The following PDE6B variants were observed in gnomAD, a reference collection of about 807,000 sequenced individuals.
The protein encoded by PDE6B is rod cGMP-specific 3',5'-cyclic phosphodiesterase subunit beta.
PDE6B carries 106 observed loss-of-function variants against 109.0 expected under a neutral mutation model. That is an observed-to-expected ratio of 0.97 (90% CI 0.83 to 1.14). The LOEUF (loss-of-function observed/expected upper bound fraction) is 1.14, where lower values mean the gene tolerates loss of function less well. Among genes scored for constraint, PDE6B ranks in the 50% most tolerant of loss-of-function variants. PDE6B has a pLI of 0.00. For missense variants in PDE6B, 1,193 were observed against 1,155.6 expected (o/e 1.03, Z -0.47); for synonymous variants, 490 against 471.3 (o/e 1.04, Z -0.51).
chr4:634,631 C>G, intron 1 of PDE6B, 46 bp from the exon 2 acceptor site: 1 of 1,539,806 alleles, frequency 6.5e-7, no homozygotes, highest in Non-Finnish European at 9.0e-7. Flanking sequence ...GGGCTCCAGG[C>G]CCACGGTGCG....
rs751940474 is a variant in PDE6B at position 664,184 on chromosome 4, T to A, written c.2092T>A (p.Tyr698Asn). ...NYQDKKSWVEYLSLETTRKEI... is the reference protein window; with the variant it reads ...NYQDKKSWVENLSLETTRKEI... ...CCAGGACAAGAAGAGCTGGGTGGAG[T>A]ACCTGTCCCTGGAGACGACCCGGAA... Residue 698 changes from tyrosine (Y) to asparagine (N), a missense_variant, in exon 17 of 22, where the codon TAC becomes AAC. Coordinates refer to ENST00000496514, the MANE Select transcript of PDE6B (RefSeq NM_000283.4). 1 of 1,610,282 alleles carries A rather than the reference T, an allele frequency of 6.2e-7. No homozygotes were observed. Among genetic ancestry groups the A allele is most frequent in the South Asian group, 1.1e-5 (1 of 91,020 alleles).
intron 11 of PDE6B, among the ~76,000 whole-genome samples, chr4:659,622 A>C (rs572681006): frequency 6.9e-6 from 1 of 145,778 alleles, no homozygotes. Context: ...CATTGTATGA[A>C]TGTGCACATG....
intron 12 of PDE6B, 142 bp downstream of exon 12, chr4:660,755 G>A: frequency 2.7e-6 from 2 of 738,528 alleles, no homozygotes; most frequent in East Asian, 2.7e-5. Context: ...AGTTTAGAGG[G>A]CCGACATGTT....
At chr4:627,113 C>G (rs1185436773) in intron 1 of PDE6B, among the ~76,000 whole-genome samples, 1 of 151,192 alleles carries the variant, frequency 6.6e-6, no homozygotes, top group Non-Finnish European at 1.5e-5. Flanking sequence ...TCCCAGGCAG[C>G]TGGGGAGTGG....
intron 1 of PDE6B, among the ~76,000 whole-genome samples, chr4:632,659 CT>C (rs1734449554): frequency 6.8e-6 from 1 of 146,038 alleles, no homozygotes. Flanking sequence ...GTGGTGCTGT[CT>C]GGGGGTCACA....
rs1395525121 is a variant in PDE6B at position 635,924 on chromosome 4, C to A, written c.666C>A (p.Ile222=). Reference sequence around the variant, plus strand: ...ATTTTGCCACGTTGTACCTGAAGATCTATCACCTGAGCTACCTCCACAACT... The same window carrying A: ...ATTTTGCCACGTTGTACCTGAAGATATATCACCTGAGCTACCTCCACAACT... ...YLNFATLYLK[I]YHLSYLHNCE... The change falls in exon 3 of 22, where the codon ATC becomes ATA. Residue 222 remains isoleucine (I), a synonymous_variant. Transcript: ENST00000496514. The A allele has an allele frequency of 6.2e-7, 1 of 1,608,966 alleles. No homozygotes were observed. Among genetic ancestry groups the A allele is most frequent in the South Asian group, 1.1e-5 (1 of 90,980 alleles).
chr4:631,265 C>A (rs1245269395), intron 1 of PDE6B, among the ~76,000 whole-genome samples: 1 of 152,166 alleles, frequency 6.6e-6, no homozygotes. Context: ...ACGTGTGGGG[C>A]AGAGAGAAGT....
At chr4:637,461 T>C (rs1734744857) in intron 3 of PDE6B, among the ~76,000 whole-genome samples, 1 of 152,176 alleles carries the variant, frequency 6.6e-6, no homozygotes, top group Non-Finnish European at 1.5e-5. Flanking sequence ...CCTCAAGTGA[T>C]CTGCCCACCT....
In PDE6B at chr4:656,984, C is replaced by T. The variant is rs148190219; in HGVS notation, c.1218C>T (p.Asp406=). 1,247 of 1,613,244 alleles carry T rather than the reference C, an allele frequency of 7.7e-4. 3 individuals are homozygous for T. The highest frequency in any genetic ancestry group is 8.2e-4 in the Middle Eastern group (5 of 6,062). ...TCGCCACATTTTACAACAGGAAAGA[C>T]GGGAAGCCCTTTGACGAACAGGACG... The part of the protein sequence containing the change: ...VGVATFYNRK[D]GKPFDEQDEV... The change falls in exon 9 of 22, where the codon GAC becomes GAT. Residue 406 remains aspartate, a synonymous_variant. Coordinates refer to ENST00000496514, the MANE Select transcript of PDE6B (RefSeq NM_000283.4).
In PDE6B at chr4:626,145, T is replaced by C; in HGVS notation, c.468+51T>C. The stretch of plus-strand genomic sequence containing the variant: ...GGCGGCTGTGTGCATCTCTTGCACC[T>C]GTCCCAGGTGTCTAAGGGTCAGCTC... On this transcript the variant is annotated intron_variant, in intron 1 of 21. Coordinates refer to ENST00000496514, the MANE Select transcript of PDE6B (RefSeq NM_000283.4). The surrounding 1 kb of genome is among the most constrained non-coding windows in gnomAD (Gnocchi z 4.6). 1 of 1,103,216 alleles carries C rather than the reference T, an allele frequency of 9.1e-7. No individual in the cohort carries two copies. The highest frequency in any genetic ancestry group is 1.3e-6 in the Non-Finnish European group (1 of 744,846). 68.3% of individuals were successfully genotyped at this position (1,103,216 alleles called of 1,614,324 possible). A position where few individuals can be genotyped will look rare whatever the true frequency, so the allele number is the denominator to read the frequency against.
chr4:644,661 C>T (rs556208938), intron 3 of PDE6B, among the ~76,000 whole-genome samples: 2 of 152,026 alleles, frequency 1.3e-5, no homozygotes, highest in African/African-American at 4.8e-5. Context: ...TCCCGAGTAG[C>T]TGGGACTACA....
At chr4:637,884 C>T (rs1481889562) in intron 3 of PDE6B, among the ~76,000 whole-genome samples, 2 of 152,230 alleles carry the variant, frequency 1.3e-5, no homozygotes, top group Non-Finnish European at 2.9e-5. Context: ...CAGTGGGATG[C>T]CTGGGAGCTG....
chr4:662,336 A>C lies in PDE6B; in HGVS notation c.1722+95A>C. The C allele has an allele frequency of 1.2e-6, 1 of 843,356 alleles. No individual in the cohort carries two copies. The highest frequency in any genetic ancestry group is 1.4e-5 in the South Asian group (1 of 70,140). 52.2% of individuals were successfully genotyped at this position (843,356 alleles called of 1,614,324 possible). The stretch of plus-strand genomic sequence containing the variant: ...CGAGGGATGAGATGGGGGTCCTCCC[A>C]GGGCAGAAGGATGGAGGAGGGCAAC... On this transcript the variant is annotated intron_variant, in intron 13 of 21. Coordinates refer to ENST00000496514, the MANE Select transcript of PDE6B (RefSeq NM_000283.4). This position sits in a 1 kb window ranked among gnomAD's most constrained non-coding sequence, Gnocchi z 4.3.
Position 667,886 on chromosome 4 carries a change from C to A in PDE6B, c.2383C>A (p.Pro795Thr). The A allele has an allele frequency of 6.2e-7, 1 of 1,613,478 alleles. No homozygotes were observed. The highest frequency in any genetic ancestry group is 1.7e-4 in the Middle Eastern group (1 of 6,056). Residue 795 changes from proline to threonine, a missense_variant, in exon 21 of 22, where the codon CCC becomes ACC. Pro to Thr is a conservative substitution (Grantham distance 38). Coordinates refer to ENST00000496514, the MANE Select transcript of PDE6B (RefSeq NM_000283.4). ...CTCTCGTTTCCACGAAGAGATCCTG[C>A]CCATGTTCGACCGACTGCAGAACAA... ...EFSRFHEEIL[P>T]MFDRLQNNRK...
Position 654,149 on chromosome 4 carries a change from G to A in PDE6B, c.922G>A (p.Gly308Ser). 6.2e-7 allele frequency: 1 copy of A among 1,613,376 alleles called. No individual in the cohort carries two copies. Among genetic ancestry groups the A allele is most frequent in the Non-Finnish European group, 8.5e-7 (1 of 1,179,714 alleles). ...GTACTCGGGCCCACGCACGCCTGAT[G>A]GCCGGGTGAGTCTTAGGGGAGGGGC... Reference protein sequence around the residue: ...QPYSGPRTPDGREIVFYKVID... With the variant: ...QPYSGPRTPDSREIVFYKVID... Residue 308 changes from glycine (G) to serine (S), a missense_variant, in exon 5 of 22, where the codon GGC becomes AGC. Transcript: ENST00000496514.
At position 648,835 on chromosome 4, in the gene PDE6B, G is replaced by A. The variant is rs990275390; in HGVS notation, c.712-5017G>A. Among the ~76,000 whole-genome samples the A allele has an allele frequency of 1.3e-5, 2 of 152,360 alleles. No individual in the cohort carries two copies. Among genetic ancestry groups the A allele is most frequent in the East Asian group, 1.9e-4 (1 of 5,182 alleles). On this transcript the variant is annotated intron_variant, in intron 3 of 21. Coordinates refer to ENST00000496514, the MANE Select transcript of PDE6B (RefSeq NM_000283.4). The surrounding 1 kb of genome is among the most constrained non-coding windows in gnomAD (Gnocchi z 4.5). ...GCTCTCACCTTCAGGCCGGCCATGC[G>A]TCAGGACCCGGTGGCTCGCTGCAAG...
At chr4:634,903 G>A in intron 2 of PDE6B, 74 bp downstream of exon 2, 1 of 1,344,954 alleles carries the variant, frequency 7.4e-7, no homozygotes, top group Non-Finnish European at 1.1e-6. Context: ...GTTCTGTGCT[G>A]CGCATCCACC....
chr4:647,770 C>G (rs1274666935), intron 3 of PDE6B, among the ~76,000 whole-genome samples: 1 of 152,004 alleles, frequency 6.6e-6, no homozygotes, highest in East Asian at 1.9e-4. Flanking sequence ...CAACAGACCT[C>G]AGTTTTAAAA....
chr4:629,101 G>A (rs528035789), intron 1 of PDE6B, among the ~76,000 whole-genome samples: 2 of 152,328 alleles, frequency 1.3e-5, no homozygotes, highest in South Asian at 2.1e-4. Flanking sequence ...GGCCAGCCGG[G>A]TGAGAGGCCC....
Sources: allele counts gnomAD v4.1 joint callset (sites outside exome capture counted in the v4.1 genomes callset), GRCh38; gene constraint gnomAD v4.1.1; non-coding constraint Gnocchi (gnomAD v3.1); transcripts MANE v1.5; gene names NCBI Gene and HGNC (gene_info 2026-07-23, HGNC 2026-07-21).